Variants in SERTAD2 observed in about 807,000 individuals in gnomAD.
The protein encoded by SERTAD2 is SERTA domain-containing protein 2.
Under a neutral mutation model 15.4 loss-of-function variants are expected in SERTAD2, and 2 were observed. The ratio of observed to expected loss-of-function variants is 0.13; its 90% confidence interval spans 0.05 to 0.41. The LOEUF is 0.41. Among genes scored for constraint, SERTAD2 ranks in the 10% least tolerant of loss-of-function variants. SERTAD2 has a pLI of 0.99. For synonymous variants in SERTAD2, 180 were observed against 178.0 expected (o/e 1.01, Z -0.09); for missense variants, 333 against 409.7 (o/e 0.81, Z 1.62).
intron 1 of SERTAD2, among the ~76,000 whole-genome samples, chr2:64,649,111 T>C (rs1473974277): frequency 6.6e-6 from 1 of 152,262 alleles, no homozygotes; most frequent in East Asian, 1.9e-4. Context: ...TTAAAGCAGC[T>C]GCCAGCTCGA....
intron 1 of SERTAD2, among the ~76,000 whole-genome samples, chr2:64,643,798 G>A (rs1019800065): frequency 6.6e-6 from 1 of 152,104 alleles, no homozygotes; most frequent in African/African-American, 2.4e-5. Flanking sequence ...CCCGGGAGGC[G>A]GAGTTTGCAG....
rs1407637099 is a variant in SERTAD2, at chr2:64,636,197, C to G, written c.675G>C (p.Leu225=). Residue 225 remains leucine, a synonymous_variant, in exon 2 of 2, where the codon CTG becomes CTC. Coordinates refer to ENST00000313349, the MANE Select transcript of SERTAD2 (RefSeq NM_014755.3). Reference sequence around the variant, plus strand: ...ACGTCGTTATTTCAAAATTCCCAGGCAGAGAGTCCATCAGTTTTGAGTCAT... The same window carrying G: ...ACGTCGTTATTTCAAAATTCCCAGGGAGAGAGTCCATCAGTTTTGAGTCAT... The part of the protein sequence containing the change: ...RADDSKLMDS[L]PGNFEITTST... The G allele has an allele frequency of 1.9e-6, 3 of 1,614,054 alleles. No homozygotes were observed. Among genetic ancestry groups the G allele is most frequent in the Non-Finnish European group, 2.5e-6 (3 of 1,180,052 alleles).
Position 64,633,860 on chromosome 2 carries a change from G to A in SERTAD2, c.*2067C>T. The A allele has an allele frequency of 6.6e-6, 1 of 152,392 alleles. No homozygotes were observed. The allele number at this position is 152,392 out of a possible 1,614,324, so 9.4% of individuals were successfully genotyped here. A position where few individuals can be genotyped will look rare whatever the true frequency, so the allele number is the denominator to read the frequency against. The stretch of plus-strand genomic sequence containing the variant: ...CCTTTAAAACACATTCAAGTGGGGG[G>A]AAAAAGTAAATTAGAATGTAGAAAG... On this transcript the variant is annotated 3_prime_UTR_variant, in exon 2 of 2. Transcript: ENST00000313349.
rs754366428 is a variant in SERTAD2, at chr2:64,636,233, C to T, written c.639G>A (p.Glu213=). The T allele has an allele frequency of 3.1e-6, 5 of 1,614,102 alleles. No homozygotes were observed. The Admixed American group carries it at 6.7e-5, about 22-fold the overall frequency. The change falls in exon 2 of 2, where the codon GAG becomes GAA. Residue 213 remains glutamate (E), a synonymous_variant. Transcript: ENST00000313349. ...AGTQKLDGPQ[E]SRADDSKLMD... ...TCAGTTTTGAGTCATCTGCGCGGCT[C>T]TCTTGAGGACCGTCGAGTTTCTGGG...
intron 1 of SERTAD2, among the ~76,000 whole-genome samples, chr2:64,639,677 T>C (rs1385843333): frequency 6.6e-6 from 1 of 152,250 alleles, no homozygotes; most frequent in African/African-American, 2.4e-5. Context: ...ACTGCATTTT[T>C]CTAGAAATAA....
rs976209251 is a variant in SERTAD2, at chr2:64,633,608, G to A, written c.*2319C>T. 1 of 152,236 alleles carries A rather than the reference G, an allele frequency of 6.6e-6. No individual in the cohort carries two copies. Among genetic ancestry groups the A allele is most frequent in the Admixed American group, 6.5e-5 (1 of 15,290 alleles). 9.4% of individuals were successfully genotyped at this position (152,236 alleles called of 1,614,324 possible). A position where few individuals can be genotyped will look rare whatever the true frequency, so the allele number is the denominator to read the frequency against. On this transcript the variant is annotated 3_prime_UTR_variant, in exon 2 of 2. Coordinates refer to ENST00000313349, the MANE Select transcript of SERTAD2 (RefSeq NM_014755.3). ...AGGTCCTCCAGTTATAGAAAGCATG[G>A]AATCTGGGCAGACTTGTTCTCTGCA...
rs1009240619 is a variant in SERTAD2 at position 64,632,477 on chromosome 2, G to T, written c.*3450C>A. 2.6e-5 allele frequency: 4 copies of T among 152,570 alleles called. No individual in the cohort carries two copies. Among genetic ancestry groups the T allele is most frequent in the African/African-American group, 7.2e-5 (3 of 41,440 alleles). The allele number at this position is 152,570 out of a possible 1,614,324, so 9.5% of individuals were successfully genotyped here. The stretch of plus-strand genomic sequence containing the variant: ...AAAAGCTCAATTGGTAAAGACACTC[G>T]AGAGGTGCAGAGGAGGCTCTGGCCA... On this transcript the variant is annotated 3_prime_UTR_variant, in exon 2 of 2. Coordinates refer to ENST00000313349, the MANE Select transcript of SERTAD2 (RefSeq NM_014755.3).
At position 64,631,729 on chromosome 2, in the gene SERTAD2, G is replaced by A. The variant is rs1348556059; in HGVS notation, c.*4198C>T. The A allele has an allele frequency of 6.6e-6, 1 of 152,582 alleles. No homozygotes were observed. Among genetic ancestry groups the A allele is most frequent in the African/African-American group, 2.4e-5 (1 of 41,414 alleles). The allele number at this position is 152,582 out of a possible 1,614,324, so 9.5% of individuals were successfully genotyped here. On this transcript the variant is annotated 3_prime_UTR_variant, in exon 2 of 2. Transcript: ENST00000313349. Reference sequence around the variant, plus strand: ...TTTAGATTACAGCCCAAACCTACATGTGAATACAGCCATCTGGGTTCCGAT... The same window carrying A: ...TTTAGATTACAGCCCAAACCTACATATGAATACAGCCATCTGGGTTCCGAT...
chr2:64,635,453 A>G lies in SERTAD2; in HGVS notation c.*474T>C, dbSNP rs1041714703. On this transcript the variant is annotated 3_prime_UTR_variant, in exon 2 of 2. Coordinates refer to ENST00000313349, the MANE Select transcript of SERTAD2 (RefSeq NM_014755.3). ...TACGAGGAGTAGTTAATGCCTCTAA[A>G]AAGGCCGAATTGCCAAGTCAACCTA... 1 of 153,678 alleles carries G rather than the reference A, an allele frequency of 6.5e-6. No homozygotes were observed. Among genetic ancestry groups the G allele is most frequent in the African/African-American group, 2.4e-5 (1 of 41,478 alleles). The allele number at this position is 153,678 out of a possible 1,614,324, so 9.5% of individuals were successfully genotyped here.
At position 64,635,629 on chromosome 2, in the gene SERTAD2, C is replaced by G; in HGVS notation, c.*298G>C. 3.7e-6 allele frequency: 1 copy of G among 271,692 alleles called. No individual in the cohort carries two copies. The highest frequency in any genetic ancestry group is 9.1e-5 in the South Asian group (1 of 10,964). The allele number at this position is 271,692 out of a possible 1,614,324, so 16.8% of individuals were successfully genotyped here. ...CAGCTTTTCCAACTTAATCCTTGTG[C>G]TTCACTTGAACTGTTTATTTTTGTC... On this transcript the variant is annotated 3_prime_UTR_variant, in exon 2 of 2. Coordinates refer to ENST00000313349, the MANE Select transcript of SERTAD2 (RefSeq NM_014755.3).
At chr2:64,637,531 C>A (rs776537007) in intron 1 of SERTAD2, among the ~76,000 whole-genome samples, 2 of 152,188 alleles carry the variant, frequency 1.3e-5, no homozygotes, top group African/African-American at 2.4e-5. Context: ...CATTTAGAAT[C>A]AAGGGGAGGA....
chr2:64,641,124 T>G (rs1171187050), intron 1 of SERTAD2, among the ~76,000 whole-genome samples: 1 of 152,208 alleles, frequency 6.6e-6, no homozygotes, highest in African/African-American at 2.4e-5. Flanking sequence ...TCCAGGAAAC[T>G]TCATACTAAA....
At chr2:64,638,309 G>A (rs1558652420) in intron 1 of SERTAD2, among the ~76,000 whole-genome samples, 2 of 152,352 alleles carry the variant, frequency 1.3e-5, no homozygotes, top group East Asian at 3.9e-4. Context: ...ACTGTCATAG[G>A]CATTTGGCCA....
chr2:64,651,763 T>C (rs531983952), intron 1 of SERTAD2, among the ~76,000 whole-genome samples: 6 of 152,360 alleles, frequency 3.9e-5, no homozygotes, highest in South Asian at 4.1e-4. Context: ...CCTAAGACGC[T>C]GTGACATTCG....
At chr2:64,652,434 T>C (rs1433928680) in intron 1 of SERTAD2, among the ~76,000 whole-genome samples, 1 of 152,100 alleles carries the variant, frequency 6.6e-6, no homozygotes, top group Non-Finnish European at 1.5e-5. Flanking sequence ...CAGGGACTAG[T>C]CTCTAACTAC....
At chr2:64,644,759 A>AG (rs1674858409) in intron 1 of SERTAD2, 1 of 152,390 alleles carries the variant, frequency 6.6e-6, no homozygotes, top group Non-Finnish European at 1.5e-5. Flanking sequence ...TAAGAGAAAC[A>AG]GGCGCGTCCT....
At chr2:64,637,374 CAT>C (rs570826627) in intron 1 of SERTAD2, among the ~76,000 whole-genome samples, 6 of 152,160 alleles carry the variant, frequency 3.9e-5, no homozygotes, top group Non-Finnish European at 5.9e-5. Context: ...AGAAAGGTAA[CAT>C]GTATAATTTG....
At chr2:64,650,676 A>T (rs574408211) in intron 1 of SERTAD2, among the ~76,000 whole-genome samples, 1 of 152,326 alleles carries the variant, frequency 6.6e-6, no homozygotes, top group South Asian at 2.1e-4. Context: ...ATAGCCACAC[A>T]TTTCTTAAAC....
intron 1 of SERTAD2, among the ~76,000 whole-genome samples, chr2:64,650,302 G>GTT (rs1207833103): frequency 6.6e-6 from 1 of 151,658 alleles, no homozygotes; most frequent in Non-Finnish European, 1.5e-5. Context: ...ATTTTCATTT[G>GTT]TATTTCAAAG....
Sources: allele counts gnomAD v4.1 joint callset (sites outside exome capture counted in the v4.1 genomes callset), GRCh38; gene constraint gnomAD v4.1.1; transcripts MANE v1.5; gene names NCBI Gene and HGNC (gene_info 2026-07-23, HGNC 2026-07-21).